Variants in SPATA13 observed in about 807,000 individuals in gnomAD.
The protein encoded by SPATA13 is spermatogenesis-associated protein 13.
A neutral mutation model predicts 104.0 loss-of-function variants in SPATA13; 50 were observed. That is an observed-to-expected ratio of 0.48 (90% CI 0.38 to 0.61). The LOEUF is 0.61. Among genes scored for constraint, SPATA13 ranks in the 20% least tolerant of loss-of-function variants. The probability of loss-of-function intolerance (pLI) is 0.00; values close to 1 mark genes in which losing one functional copy is unlikely to be tolerated. For missense variants in SPATA13, 1,524 were observed against 1,690.6 expected, an observed-to-expected ratio of 0.90 and a Z score of 1.73; for synonymous variants, 606 against 667.5, an observed-to-expected ratio of 0.91 and a Z score of 1.42.
At chr13:24,281,084 C>G (rs558329452) in intron 4 of SPATA13, among the ~76,000 whole-genome samples, 15 of 152,304 alleles carry the variant, frequency 9.8e-5, no homozygotes, top group African/African-American at 3.4e-4. Context: ...GGTGCACTCC[C>G]TTCTCCTGAG....
At chr13:24,186,224 G>A (rs1869142303) in intron 1 of SPATA13, among the ~76,000 whole-genome samples, 1 of 152,156 alleles carries the variant, frequency 6.6e-6, no homozygotes, top group African/African-American at 2.4e-5. Flanking sequence ...ACCTAAAGAA[G>A]AAGTCCTCTT....
At chr13:23,981,877 G>C (rs1262489402) in intron 1 of SPATA13, among the ~76,000 whole-genome samples, 2 of 152,126 alleles carry the variant, frequency 1.3e-5, no homozygotes, top group Non-Finnish European at 2.9e-5. Flanking sequence ...AACAATAACT[G>C]TGATGCAATT....
In SPATA13 at chr13:24,271,041, A is replaced by ACTCT. The variant is rs71928912; in HGVS notation, c.2165-13080_2165-13077dup. The ACTCT allele has an allele frequency of 5.8e-4, 279 of 482,358 alleles. 1 individual carries two copies. The highest frequency in any genetic ancestry group is 2.1e-3 in the East Asian group (63 of 30,218). The allele number at this position is 482,358 out of a possible 1,614,324, so 29.9% of individuals were successfully genotyped here. A position where few individuals can be genotyped will look rare whatever the true frequency, so the allele number is the denominator to read the frequency against. On this transcript the variant is annotated intron_variant, in intron 4 of 12. Coordinates refer to ENST00000382108, the MANE Select transcript of SPATA13 (RefSeq NM_001166271.3). ...CTCTCACTCTCTCTCTCTCTCTCTC[A>ACTCT]CTCTCTCTCTCTCTCTCACTCTCTC...
chr13:24,204,792 A>C (rs1180151448), intron 1 of SPATA13, among the ~76,000 whole-genome samples: 2 of 152,192 alleles, frequency 1.3e-5, no homozygotes, highest in African/African-American at 4.8e-5. Context: ...TTTTCTTTTT[A>C]AGGCTAAATA....
chr13:24,074,758 C>A (rs1879274337), intron 3 of SPATA13, among the ~76,000 whole-genome samples: 2 of 152,134 alleles, frequency 1.3e-5, no homozygotes, highest in African/African-American at 4.8e-5. Flanking sequence ...GAGGAAGATT[C>A]TTGAATTGGG....
intron 2 of SPATA13, among the ~76,000 whole-genome samples, chr13:24,229,085 T>A (rs930140418): frequency 6.6e-6 from 1 of 152,228 alleles, no homozygotes; most frequent in Non-Finnish European, 1.5e-5. Flanking sequence ...CTGTTTTAAG[T>A]TACAGGTTGC....
At chr13:24,245,121 G>C (rs928642548) in intron 2 of SPATA13, among the ~76,000 whole-genome samples, 1 of 152,122 alleles carries the variant, frequency 6.6e-6, no homozygotes, top group Admixed American at 6.5e-5. Context: ...TGGTGCATCC[G>C]TGGGCCCCGG....
At chr13:24,154,189 A>T (rs926004247) in intron 3 of SPATA13, among the ~76,000 whole-genome samples, 4 of 152,210 alleles carry the variant, frequency 2.6e-5, no homozygotes, top group Non-Finnish European at 5.9e-5. Flanking sequence ...GTCTGGCAGT[A>T]CCACTCCTGG....
At chr13:24,285,973 G>A (rs1023957505) in intron 5 of SPATA13, among the ~76,000 whole-genome samples, 5 of 152,210 alleles carry the variant, frequency 3.3e-5, no homozygotes, top group South Asian at 2.1e-4. Flanking sequence ...GAGTCACCAC[G>A]CCCAGTTTAA....
rs1881658835 is a variant in SPATA13, at chr13:24,138,755, T to G, written c.-111-84064T>G. ...TGTGCCACCACCCCTGGCTAATTTTTTTTTTTTTTTTTTTTTTTTAGAGAT... is the reference window on the plus strand; with the variant it reads ...TGTGCCACCACCCCTGGCTAATTTTGTTTTTTTTTTTTTTTTTTTAGAGAT... On this transcript the variant is annotated intron_variant, in intron 3 of 14. Coordinates refer to the SPATA13 transcript ENST00000424834. 1.4e-4 allele frequency among the ~76,000 whole-genome samples: 21 copies of G among 148,060 alleles called. No individual in the cohort carries two copies. The South Asian group carries it at 4.3e-3, about 30-fold the overall frequency.
intron 3 of SPATA13, among the ~76,000 whole-genome samples, chr13:24,057,828 C>T (rs939179517): frequency 1.3e-5 from 2 of 151,706 alleles, no homozygotes; most frequent in African/African-American, 2.4e-5. Context: ...CCAGGGAGGA[C>T]TAGTGAGAGG....
chr13:24,285,510 C>T (rs528782740), intron 5 of SPATA13, among the ~76,000 whole-genome samples: 120 of 151,986 alleles, frequency 7.9e-4, no homozygotes, highest in African/African-American at 2.7e-3. Context: ...TGCCTGCCTG[C>T]CTTCCTCCCT....
At chr13:24,138,166 G>T (rs1881633762) in intron 3 of SPATA13, among the ~76,000 whole-genome samples, 1 of 152,052 alleles carries the variant, frequency 6.6e-6, no homozygotes, top group South Asian at 2.1e-4. Context: ...AATTAGCTGG[G>T]CGTGGTGACG....
intron 2 of SPATA13, among the ~76,000 whole-genome samples, chr13:23,989,033 G>T (rs909244424): frequency 2.6e-5 from 4 of 152,156 alleles, no homozygotes; most frequent in African/African-American, 9.7e-5. Flanking sequence ...AGAGTCCAGT[G>T]CAGTAGTCCA....
At chr13:24,197,992 GTGTT>G (rs749893612) in intron 1 of SPATA13, among the ~76,000 whole-genome samples, 8 of 138,890 alleles carry the variant, frequency 5.8e-5, no homozygotes, top group African/African-American at 1.0e-4. Flanking sequence ...CTGTTACCTC[GTGTT>G]TGTTTGTTTG....
In SPATA13 at chr13:24,205,558, T is replaced by C. The variant is rs1385528269; in HGVS notation, c.-111-17261T>C. 6.6e-6 allele frequency among the ~76,000 whole-genome samples: 1 copy of C among 152,164 alleles called. No individual in the cohort carries two copies. The highest frequency in any genetic ancestry group is 1.5e-5 in the Non-Finnish European group (1 of 68,026). On this transcript the variant is annotated intron_variant, in intron 1 of 12. Coordinates refer to ENST00000382108, the MANE Select transcript of SPATA13 (RefSeq NM_001166271.3). The surrounding 1 kb of genome is among the most constrained non-coding windows in gnomAD (Gnocchi z 4.1). ...TATTCTGATTAAATTACCATTAACATTCTTCACAGAATTAGAAAAAAACTA... is the reference window on the plus strand; with the variant it reads ...TATTCTGATTAAATTACCATTAACACTCTTCACAGAATTAGAAAAAAACTA...
At chr13:24,156,654 CA>C (rs1314728601), upstream of SPATA13, among the ~76,000 whole-genome samples, 1 of 152,202 alleles carries the variant, frequency 6.6e-6, no homozygotes, top group Non-Finnish European at 1.5e-5. Context: ...TAAAATATAG[CA>C]AACGCACCTT....
intron 4 of SPATA13, among the ~76,000 whole-genome samples, chr13:24,273,741 A>G (rs1344893332): frequency 6.6e-6 from 1 of 152,248 alleles, no homozygotes; most frequent in African/African-American, 2.4e-5. Flanking sequence ...ATAGAACATC[A>G]AAGGCAGATA....
intron 3 of SPATA13, among the ~76,000 whole-genome samples, chr13:24,116,727 C>T (rs1880851954): frequency 6.9e-6 from 1 of 145,418 alleles, no homozygotes; most frequent in African/African-American, 2.7e-5. Context: ...TTGCCATAGA[C>T]TTAACTGTGT....
Sources: gnomAD v4.1 joint callset for allele counts (sites outside exome capture counted in the v4.1 genomes callset) on GRCh38, gnomAD v4.1.1 for gene constraint, Gnocchi (gnomAD v3.1) non-coding constraint, MANE v1.5 for transcripts, NCBI Gene and HGNC (gene_info 2026-07-23, HGNC 2026-07-21) for gene names.